ZNF671: variants seen among roughly 807,000 people sequenced by gnomAD.
The protein encoded by ZNF671 is hypothetical protein FLJ23506.
Under a neutral mutation model 16.6 loss-of-function variants are expected in ZNF671, and 19 were observed. That is an observed-to-expected ratio of 1.14 (90% CI 0.80 to 1.68). The LOEUF (loss-of-function observed/expected upper bound fraction) is 1.68. Among genes scored for constraint, ZNF671 ranks in the 40% most tolerant of loss-of-function variants. ZNF671 has a pLI of 0.00. For missense variants in ZNF671, 637 were observed against 659.8 expected, an observed-to-expected ratio of 0.97 and a Z score of 0.38; for synonymous variants, 238 against 236.3, an observed-to-expected ratio of 1.01 and a Z score of -0.06.
At chr19:57,723,488 G>T in intron 1 of ZNF671, 148 bp from the exon 2 acceptor site, 1 of 862,014 alleles carries the variant, frequency 1.2e-6, no homozygotes, top group Non-Finnish European at 1.8e-6. Flanking sequence ...ACTCTCTCCT[G>T]ATCACCCCAG....
intron 1 of ZNF671, among the ~76,000 whole-genome samples, chr19:57,725,154 C>A (rs1985999867): frequency 6.9e-6 from 1 of 144,282 alleles, no homozygotes; most frequent in Non-Finnish European, 1.5e-5. Flanking sequence ...AAGTAGTGAA[C>A]TTTTTTTTTT....
At chr19:57,727,206 C>T in intron 1 of ZNF671, 185 bp downstream of exon 1, 1 of 716,730 alleles carries the variant, frequency 1.4e-6, no homozygotes, top group Non-Finnish European at 2.1e-6. Context: ...GTTTGGGGGT[C>T]AGCAGCACCC....
In ZNF671 at chr19:57,720,607, G is replaced by T. The variant is rs1345590104; in HGVS notation, c.1479C>A (p.Asn493Lys). 1 of 1,614,080 alleles carries T rather than the reference G, an allele frequency of 6.2e-7. No homozygotes were observed. The highest frequency in any genetic ancestry group is 1.7e-5 in the Admixed American group (1 of 60,012). The stretch of plus-strand genomic sequence containing the variant: ...TGTGGACTTTCCAGTGCCTGATGAG[G>T]TTGGGTCTTTGAGTGAAGGCTTTCC... Reference protein sequence around the residue: ...KCGKAFTQRPNLIRHWKVHTG... With the variant: ...KCGKAFTQRPKLIRHWKVHTG... Residue 493 changes from asparagine (N) to lysine (K), a missense_variant, in exon 4 of 4, where the codon AAC becomes AAA. Asn to Lys is a moderately conservative substitution (Grantham distance 94). Transcript: ENST00000317398.
Position 57,722,311 on chromosome 19 carries a change from C to T in ZNF671, c.388+5G>A. On this transcript the variant is annotated splice_donor_5th_base_variant and intron_variant, in intron 3 of 3. Coordinates refer to ENST00000317398, the MANE Select transcript of ZNF671 (RefSeq NM_024833.3). ...ACATCGTGCCCTTCCCCGATGTCCACTCACCAGGTCTAAGTCCCCTCTGGG... is the reference window on the plus strand; with the variant it reads ...ACATCGTGCCCTTCCCCGATGTCCATTCACCAGGTCTAAGTCCCCTCTGGG... 14 of 1,613,934 alleles carry T rather than the reference C, an allele frequency of 8.7e-6. No individual in the cohort carries two copies. The highest frequency in any genetic ancestry group is 1.2e-5 in the Non-Finnish European group (14 of 1,179,938).
At chr19:57,724,609 T>A (rs1285150135) in intron 1 of ZNF671, among the ~76,000 whole-genome samples, 1 of 151,546 alleles carries the variant, frequency 6.6e-6, no homozygotes, top group East Asian at 1.9e-4. Flanking sequence ...CACTGCAAGC[T>A]CCATCTCCCA....
intron 3 of ZNF671, 140 bp downstream of exon 3, chr19:57,722,176 T>G (rs1330832920): frequency 1.5e-6 from 2 of 1,358,188 alleles, no homozygotes; most frequent in African/African-American, 2.9e-5. Flanking sequence ...AAATGATATA[T>G]CTTCGTGTCA....
At position 57,720,562 on chromosome 19, in the gene ZNF671, C is replaced by A; in HGVS notation, c.1524G>T (p.Val508=). The part of the protein sequence containing the change: ...WKVHTGERPY[V]CSECGREFIR... ...TGAATTCTCTCCCGCACTCACTACACACATAAGGCCTTTCCCCAGTGTGGA... is the reference window on the plus strand; with the variant it reads ...TGAATTCTCTCCCGCACTCACTACAAACATAAGGCCTTTCCCCAGTGTGGA... Residue 508 remains valine (V), a synonymous_variant, in exon 4 of 4, where the codon GTG becomes GTT. Coordinates refer to ENST00000317398, the MANE Select transcript of ZNF671 (RefSeq NM_024833.3). 6.2e-7 allele frequency: 1 copy of A among 1,614,206 alleles called. No homozygotes were observed.
chr19:57,722,531 A>T, intron 2 of ZNF671, 93 bp from the exon 3 acceptor site: 2 of 1,563,492 alleles, frequency 1.3e-6, no homozygotes, highest in East Asian at 2.2e-5. Flanking sequence ...ACCTGGGAGG[A>T]GTTGTGCAGG....
At chr19:57,721,939 G>C in intron 3 of ZNF671, 1 of 601,850 alleles carries the variant, frequency 1.7e-6, no homozygotes, top group Non-Finnish European at 2.9e-6. Context: ...CTTCCAGTAG[G>C]GCCTTGACTG....
chr19:57,727,616 G>A lies in ZNF671; in HGVS notation c.-88C>T, dbSNP rs1568469599. The stretch of plus-strand genomic sequence containing the variant: ...AGGGACAGCCTGACAGAAACAAAAT[G>A]TCCGCTACAAGGAGGAGCCGGAAGT... On this transcript the variant is annotated 5_prime_UTR_variant, in exon 1 of 4. Coordinates refer to ENST00000317398, the MANE Select transcript of ZNF671 (RefSeq NM_024833.3). 6.5e-7 allele frequency: 1 copy of A among 1,526,996 alleles called. No individual in the cohort carries two copies. The highest frequency in any genetic ancestry group is 1.3e-5 in the South Asian group (1 of 79,242). 94.6% of individuals were successfully genotyped at this position (1,526,996 alleles called of 1,614,324 possible). A position where few individuals can be genotyped will look rare whatever the true frequency, so the allele number is the denominator to read the frequency against.
chr19:57,722,435 AT>A lies in ZNF671; in HGVS notation c.268del (p.Ile90LeufsTer10), dbSNP rs1568467832. ...GACTGCACGTGATCTGGAAAATGCA[AT>A]TCCTAAGGGAAAGTCAGAACAGGTG... is the stretch of plus-strand genomic sequence containing the variant. ...ENFALLASLG[I>X]AFSRSRAVMK... On this transcript the variant is annotated frameshift_variant and splice_region_variant, in exon 3 of 4. Coordinates refer to ENST00000317398, the MANE Select transcript of ZNF671 (RefSeq NM_024833.3). LOFTEE classifies it high-confidence loss of function. The A allele has an allele frequency of 6.2e-7, 1 of 1,613,578 alleles. No individual in the cohort carries two copies. Among genetic ancestry groups the A allele is most frequent in the African/African-American group, 1.3e-5 (1 of 75,034 alleles).
chr19:57,721,108 A>T lies in ZNF671; in HGVS notation c.978T>A (p.Tyr326Ter). The T allele has an allele frequency of 1.2e-6, 2 of 1,614,006 alleles. No homozygotes were observed. Among genetic ancestry groups the T allele is most frequent in the Middle Eastern group, 1.6e-4 (1 of 6,062 alleles). Residue 326 changes from tyrosine (Y) to a stop codon, truncating the protein, a stop_gained, in exon 4 of 4, where the codon TAT becomes TAA. Coordinates refer to ENST00000317398, the MANE Select transcript of ZNF671 (RefSeq NM_024833.3). LOFTEE classifies it low-confidence loss of function (END_TRUNC). ...NECGKFFSQS[Y>*]DLFKHQTVHT... The stretch of plus-strand genomic sequence containing the variant: ...GAACTGTCTGGTGTTTAAAGAGGTC[A>T]TAGCTTTGGCTGAAGAATTTCCCAC...
At position 57,721,394 on chromosome 19, in the gene ZNF671, C is replaced by CT. The variant is rs923613458; in HGVS notation, c.691dup (p.Ser231LysfsTer17). The CT allele has an allele frequency of 6.2e-7, 1 of 1,614,094 alleles. No homozygotes were observed. The highest frequency in any genetic ancestry group is 1.3e-5 in the African/African-American group (1 of 74,938). On this transcript the variant is annotated frameshift_variant, in exon 4 of 4. Coordinates refer to ENST00000317398, the MANE Select transcript of ZNF671 (RefSeq NM_024833.3). LOFTEE classifies it low-confidence loss of function (END_TRUNC). ...CTTCTCTGGCACATGGACTCTGCAG[C>CT]TTTTCACAGAGTCTCTGCCCTCCTT...
rs551878243 is a variant in ZNF671 at position 57,720,997 on chromosome 19, G to A, written c.1089C>T (p.His363=). 1.9e-6 allele frequency: 3 copies of A among 1,614,196 alleles called. No individual in the cohort carries two copies. The highest frequency in any genetic ancestry group is 3.3e-5 in the Admixed American group (2 of 60,024). Residue 363 remains histidine (H), a synonymous_variant, in exon 4 of 4, where the codon CAC becomes CAT. Transcript: ENST00000317398. ...ISGLIEHRRV[H]TGERLYQCGK... is the part of the protein sequence containing the mutation. ...CACACTGATAGAGTCTTTCACCCGT[G>A]TGAACTCGCCTGTGCTCAATCAGGC...
chr19:57,721,875 C>T (rs1600050730), intron 3 of ZNF671, 178 bp from the exon 4 acceptor site: 3 of 841,954 alleles, frequency 3.6e-6, no homozygotes, highest in Non-Finnish European at 5.4e-6. Context: ...GAGGTCATAC[C>T]ATGGGGGAGT....
In ZNF671 at chr19:57,722,072, G is replaced by T. The variant is rs148386833; in HGVS notation, c.388+244C>A. 17 of 594,612 alleles carry T rather than the reference G, an allele frequency of 2.9e-5. 1 individual carries two copies. The East Asian group carries it at 4.8e-4, about 17-fold the overall frequency. The allele number at this position is 594,612 out of a possible 1,614,324, so 36.8% of individuals were successfully genotyped here. A position where few individuals can be genotyped will look rare whatever the true frequency, so the allele number is the denominator to read the frequency against. On this transcript the variant is annotated intron_variant, in intron 3 of 3. Coordinates refer to ENST00000317398, the MANE Select transcript of ZNF671 (RefSeq NM_024833.3). ...CACATCTTGTGAACATTAATTGCAGGTCAATACTGCCAAAAAATGTAGACA... is the reference window on the plus strand; with the variant it reads ...CACATCTTGTGAACATTAATTGCAGTTCAATACTGCCAAAAAATGTAGACA...
Position 57,725,636 on chromosome 19 carries a change from C to A in ZNF671, c.138+1755G>T, listed in dbSNP as rs978235289. On this transcript the variant is annotated intron_variant, in intron 1 of 3. Coordinates refer to ENST00000317398, the MANE Select transcript of ZNF671 (RefSeq NM_024833.3). ...AGAGCAAGACTCCATCTCAAAAAAA[C>A]AAAACAAAACAAAACCTGGCCAAGG... Among the ~76,000 whole-genome samples, 649 of 142,080 alleles carry A rather than the reference C, an allele frequency of 4.6e-3. 10 individuals carry two copies. Among genetic ancestry groups the A allele is most frequent in the African/African-American group, 0.016 (606 of 37,526 alleles). 93.2% of individuals were successfully genotyped at this position (142,080 alleles called of 152,430 possible).
intron 2 of ZNF671, among the ~76,000 whole-genome samples, 158 bp downstream of exon 2, chr19:57,723,056 C>T (rs138703783): frequency 1.3e-4 from 20 of 152,250 alleles, no homozygotes; most frequent in Middle Eastern, 3.4e-3. Context: ...CTTGGCTGCA[C>T]GGCTTCAGGA....
At position 57,720,586 on chromosome 19, in the gene ZNF671, G is replaced by T. The variant is rs1413639522; in HGVS notation, c.1500C>A (p.Val500=). The T allele has an allele frequency of 1.2e-6, 2 of 1,614,062 alleles. No individual in the cohort carries two copies. Among genetic ancestry groups the T allele is most frequent in the South Asian group, 2.2e-5 (2 of 91,086 alleles). Residue 500 remains valine, a synonymous_variant, in exon 4 of 4, where the codon GTC becomes GTA. Coordinates refer to ENST00000317398, the MANE Select transcript of ZNF671 (RefSeq NM_024833.3). The part of the protein sequence containing the change: ...QRPNLIRHWK[V]HTGERPYVCS... ...ACACATAAGGCCTTTCCCCAGTGTGGACTTTCCAGTGCCTGATGAGGTTGG... is the reference window on the plus strand; with the variant it reads ...ACACATAAGGCCTTTCCCCAGTGTGTACTTTCCAGTGCCTGATGAGGTTGG...
Sources: gnomAD v4.1 joint callset for allele counts (sites outside exome capture counted in the v4.1 genomes callset) on GRCh38, gnomAD v4.1.1 for gene constraint, MANE v1.5 for transcripts, NCBI Gene and HGNC (gene_info 2026-07-23, HGNC 2026-07-21) for gene names.